The following COL28A1 variants were observed in gnomAD, a reference collection of about 807,000 sequenced individuals.
COL28A1 encodes collagen type XXVIII alpha 1 chain, also known as collagen alpha-1(XXVIII) chain.
A neutral mutation model predicts 150.2 loss-of-function variants in COL28A1; 161 were observed. That is an observed-to-expected ratio of 1.07 (90% CI 0.94 to 1.22). COL28A1 has a LOEUF of 1.22. Ranked by LOEUF, COL28A1 falls within the 50% of genes most tolerant of loss-of-function variation. The probability of loss-of-function intolerance (pLI) is 0.00; values close to 1 mark genes in which losing one functional copy is unlikely to be tolerated. For missense variants in COL28A1, 1,617 were observed against 1,388.3 expected (o/e 1.16, Z -2.62); for synonymous variants, 552 against 469.7 (o/e 1.18, Z -2.26).
intron 25 of COL28A1, among the ~76,000 whole-genome samples, chr7:7,430,085 T>C (rs1784876631): frequency 6.6e-6 from 1 of 152,210 alleles, no homozygotes. Flanking sequence ...GTCTGTATCT[T>C]AGATAATCTG....
rs143196829 is a variant in COL28A1, at chr7:7,396,503, TA to T, written c.2137-14892del. 2.5e-3 allele frequency among the ~76,000 whole-genome samples: 377 copies of T among 152,334 alleles called. 2 individuals are homozygous for T. The highest frequency in any genetic ancestry group is 8.1e-3 in the African/African-American group (337 of 41,580). On this transcript the variant is annotated intron_variant, in intron 27 of 34. Coordinates refer to ENST00000399429, the MANE Select transcript of COL28A1 (RefSeq NM_001037763.3). Reference sequence around the variant, plus strand: ...TGATAATCAGCAGCTTCCAGTGTTTTAAAATCCTTTTCCTTTGTGCAATTCA... The same window carrying T: ...TGATAATCAGCAGCTTCCAGTGTTTTAAATCCTTTTCCTTTGTGCAATTCA...
intron 15 of COL28A1, among the ~76,000 whole-genome samples, chr7:7,460,132 CAA>C (rs1787490550): frequency 6.6e-6 from 1 of 152,210 alleles, no homozygotes; most frequent in Non-Finnish European, 1.5e-5. Flanking sequence ...AACACAAGTG[CAA>C]ATCCTATGAA....
At chr7:7,344,265 T>G in the COL28A1 span, among the ~76,000 whole-genome samples, 2 of 152,106 alleles carry the variant, frequency 1.3e-5, no homozygotes, top group Admixed American at 1.3e-4. Flanking sequence ...CCACTGCACC[T>G]GGCCTATTGT....
chr7:7,501,675 C>G (rs1349493941), intron 11 of COL28A1, among the ~76,000 whole-genome samples: 4 of 152,092 alleles, frequency 2.6e-5, no homozygotes, highest in African/African-American at 9.7e-5. Context: ...AGCCATTCTT[C>G]CTAGTAATTA....
At chr7:7,355,787 A>G (rs1354154982), downstream of COL28A1, among the ~76,000 whole-genome samples, 1 of 152,210 alleles carries the variant, frequency 6.6e-6, no homozygotes, top group African/African-American at 2.4e-5. Flanking sequence ...ATGATATACT[A>G]CTTTTGAATG....
In COL28A1 at chr7:7,373,205, CCA is replaced by C. The variant is rs750341098; in HGVS notation, c.2699_2700del (p.Leu900CysfsTer4). 2.7e-5 allele frequency: 43 copies of C among 1,614,062 alleles called. No homozygotes were observed. The highest frequency in any genetic ancestry group is 1.7e-5 in the Non-Finnish European group (20 of 1,180,042). ...GAATCTGTCTGTCCATCAGTGATGA[CCA>C]AGGCCACTTTTTTTACACCTGGCCT... ...DARPGVKKVA[L>X]VITDGQTDSR... is the part of the protein sequence containing the mutation. On this transcript the variant is annotated frameshift_variant, in exon 32 of 35. Coordinates refer to ENST00000399429, the MANE Select transcript of COL28A1 (RefSeq NM_001037763.3). LOFTEE classifies it high-confidence loss of function. The surrounding 1 kb of genome is among the most constrained non-coding windows in gnomAD (Gnocchi z 4.1).
the COL28A1 span, among the ~76,000 whole-genome samples, chr7:7,345,335 G>A: frequency 6.6e-6 from 1 of 151,936 alleles, no homozygotes. Context: ...CTTTTAATAT[G>A]TTCATTATTA....
At chr7:7,440,712 A>G in intron 21 of COL28A1, 78 bp downstream of exon 21, 1 of 618,432 alleles carries the variant, frequency 1.6e-6, no homozygotes. Context: ...TCCAATTTTC[A>G]GTGGAAATTT....
intron 32 of COL28A1, 107 bp downstream of exon 32, chr7:7,372,891 G>T: frequency 1.2e-6 from 1 of 833,362 alleles, no homozygotes; most frequent in Non-Finnish European, 1.9e-6. Context: ...GTTGGCATAA[G>T]CCTTATTAGC....
chr7:7,440,663 G>T (rs1785700724), intron 21 of COL28A1, 127 bp downstream of exon 21: 3 of 522,316 alleles, frequency 5.7e-6, no homozygotes, highest in East Asian at 2.9e-5. Context: ...TCTTATTTTG[G>T]GGTATTTGTT....
At chr7:7,380,749 T>C in intron 29 of COL28A1, 33 bp downstream of exon 29, 11 of 1,612,678 alleles carry the variant, frequency 6.8e-6, no homozygotes, top group Non-Finnish European at 9.3e-6. Flanking sequence ...AGTTAGAGTA[T>C]AAAATCACAG....
At position 7,412,299 on chromosome 7, in the gene COL28A1, T is replaced by C. The variant is rs1408640027; in HGVS notation, c.2136+5560A>G. ...TGGAAGACAAGGTTTTCTAAAATTCTGTGTGGAAGAAAATCACCCACCAAC... is the reference window on the plus strand; with the variant it reads ...TGGAAGACAAGGTTTTCTAAAATTCCGTGTGGAAGAAAATCACCCACCAAC... On this transcript the variant is annotated intron_variant, in intron 27 of 34. Transcript: ENST00000399429. 5.9e-5 allele frequency among the ~76,000 whole-genome samples: 9 copies of C among 152,112 alleles called. No individual in the cohort carries two copies. The South Asian group carries it at 1.7e-3, about 28-fold the overall frequency.
intron 27 of COL28A1, among the ~76,000 whole-genome samples, chr7:7,389,212 T>TATGACTAGC (rs1782382991): frequency 6.6e-6 from 1 of 152,196 alleles, no homozygotes; most frequent in Non-Finnish European, 1.5e-5. Flanking sequence ...ATTTTCTGCA[T>TATGACTAGC]ATGACTAGCC....
chr7:7,361,021 G>A (rs941747485), intron 33 of COL28A1, among the ~76,000 whole-genome samples: 2 of 152,148 alleles, frequency 1.3e-5, no homozygotes, highest in Non-Finnish European at 2.9e-5. Flanking sequence ...TTGGGAATTA[G>A]GGTAGCAGAA....
chr7:7,453,912 T>C (rs917812159), intron 16 of COL28A1, among the ~76,000 whole-genome samples: 3 of 151,866 alleles, frequency 2.0e-5, no homozygotes, highest in Non-Finnish European at 2.9e-5. Flanking sequence ...TCCAGGATCA[T>C]GCAGATGAGG....
intron 25 of COL28A1, among the ~76,000 whole-genome samples, chr7:7,428,259 G>A (rs968194859): frequency 6.6e-6 from 1 of 152,128 alleles, no homozygotes; most frequent in African/African-American, 2.4e-5. Context: ...GATCTCCTCT[G>A]TGCAAAGATT....
chr7:7,429,868 C>T (rs1029600371), intron 25 of COL28A1, among the ~76,000 whole-genome samples: 3 of 152,136 alleles, frequency 2.0e-5, no homozygotes, highest in African/African-American at 7.2e-5. Context: ...TTCCACTCAG[C>T]CTTCCGCGTG....
At chr7:7,526,403 T>C (rs2115230055) in intron 3 of COL28A1, among the ~76,000 whole-genome samples, 1 of 152,336 alleles carries the variant, frequency 6.6e-6, no homozygotes, top group African/African-American at 2.4e-5. Flanking sequence ...AAGTTGTAGA[T>C]AGATACATAC....
At chr7:7,508,583 T>C (rs141644034) in intron 9 of COL28A1, among the ~76,000 whole-genome samples, 400 of 152,392 alleles carry the variant, frequency 2.6e-3, no homozygotes, top group Admixed American at 7.0e-3. Flanking sequence ...CTTCATCTTA[T>C]GGGCTCCCCA....
Sources: allele counts gnomAD v4.1 joint callset (sites outside exome capture counted in the v4.1 genomes callset), GRCh38; gene constraint gnomAD v4.1.1; non-coding constraint Gnocchi (gnomAD v3.1); transcripts MANE v1.5; gene names NCBI Gene and HGNC (gene_info 2026-07-23, HGNC 2026-07-21).